The following CEACAM20 variants were observed in gnomAD, a reference collection of about 807,000 sequenced individuals.
The protein encoded by CEACAM20 is cell adhesion molecule CEACAM20.
A neutral mutation model predicts 61.2 loss-of-function variants in CEACAM20; 50 were observed. The observed-to-expected ratio is 0.82, with a 90% CI of 0.65 to 1.03. CEACAM20 has a LOEUF of 1.03. CEACAM20 is among the 50% of genes least tolerant of loss of function. The probability of loss-of-function intolerance (pLI) is 0.00; values close to 1 mark genes in which losing one functional copy is unlikely to be tolerated. For missense variants in CEACAM20, 683 were observed against 736.4 expected, an observed-to-expected ratio of 0.93 and a Z score of 0.84; for synonymous variants, 282 against 287.7, an observed-to-expected ratio of 0.98 and a Z score of 0.20.
At chr19:44,523,902 A>C in intron 3 of CEACAM20, 84 bp downstream of exon 3, 1 of 1,390,756 alleles carries the variant, frequency 7.2e-7, no homozygotes. Flanking sequence ...CCGCATCTGG[A>C]TGGTATTTCA....
chr19:44,510,616 AAGGAAG>A (rs1970965571), intron 11 of CEACAM20, among the ~76,000 whole-genome samples: 6 of 89,688 alleles, frequency 6.7e-5, no homozygotes, highest in African/African-American at 1.0e-4. Context: ...AAGAAAAAGG[AAGGAAG>A]GAAGAAAGAA....
chr19:44,518,675 G>A (rs1011416826), intron 5 of CEACAM20, among the ~76,000 whole-genome samples: 3 of 152,022 alleles, frequency 2.0e-5, no homozygotes, highest in Middle Eastern at 3.2e-3. Flanking sequence ...AGACATTCTA[G>A]GAGGGGAGGA....
At chr19:44,522,358 C>G (rs552747906) in intron 4 of CEACAM20, among the ~76,000 whole-genome samples, 1 of 152,136 alleles carries the variant, frequency 6.6e-6, no homozygotes, top group Non-Finnish European at 1.5e-5. Context: ...CCACCTCGGC[C>G]TCCCAAAGTG....
Position 44,520,635 on chromosome 19 carries a change from C to A in CEACAM20, c.869G>T (p.Ser290Ile). ...CTCACTGGGCAGGAGGGGCTGGCCA[C>A]TTAGGAACCACTGGACATTCACACT... ...NQSVNVQWFLSGQPLLPSEHL... is the reference protein window; with the variant it reads ...NQSVNVQWFLIGQPLLPSEHL... Residue 290 changes from serine (S) to isoleucine (I), a missense_variant, in exon 5 of 12, where the codon AGT (serine) becomes ATT (isoleucine). Physicochemically the swap from Ser to Ile is moderately radical, Grantham distance 142. Coordinates refer to ENST00000614924, the MANE Select transcript of CEACAM20 (RefSeq NM_001102597.3). The A allele has an allele frequency of 6.2e-7, 1 of 1,614,022 alleles. No homozygotes were observed. Among genetic ancestry groups the A allele is most frequent in the African/African-American group, 1.3e-5 (1 of 75,046 alleles).
chr19:44,520,434 A>T lies in CEACAM20; in HGVS notation c.1030+40T>A, dbSNP rs773387053. On this transcript the variant is annotated intron_variant, in intron 5 of 11. Coordinates refer to ENST00000614924, the MANE Select transcript of CEACAM20 (RefSeq NM_001102597.3). ...GGAAGAACTTAAAGAGAAGGAGGGA[A>T]GCAGGGAGATGGGGAAGGTCCAGGC... 12 of 1,593,976 alleles carry T rather than the reference A, an allele frequency of 7.5e-6. No individual in the cohort carries two copies. In the East Asian group the frequency reaches 2.7e-4, roughly 36 times the overall value.
chr19:44,528,343 T>G (rs1971599730), intron 1 of CEACAM20, among the ~76,000 whole-genome samples: 1 of 152,036 alleles, frequency 6.6e-6, no homozygotes, highest in Admixed American at 6.6e-5. Flanking sequence ...ATTATCTGCC[T>G]CAGCCTCCCG....
chr19:44,510,547 G>GGAAGGAAAGAAA (rs1491495596), intron 11 of CEACAM20, among the ~76,000 whole-genome samples: 4 of 52,770 alleles, frequency 7.6e-5, no homozygotes, highest in Non-Finnish European at 1.1e-4. Flanking sequence ...AAGGAAGGAA[G>GGAAGGAAAGAAA]GAAAGAAAGA....
In CEACAM20 at chr19:44,522,649, T is replaced by C. The variant is rs1312197514; in HGVS notation, c.736A>G (p.Lys246Glu). The C allele has an allele frequency of 1.2e-6, 2 of 1,613,130 alleles. No individual in the cohort carries two copies. The highest frequency in any genetic ancestry group is 2.7e-5 in the African/African-American group (2 of 74,878). Reference protein sequence around the residue: ...ATHLSSLGTLKVRVLETLTMP... With the variant: ...ATHLSSLGTLEVRVLETLTMP... Reference sequence around the variant, plus strand: ...GGAGACTCACCAAGTACTCGGACCTTCAGAGTACCCAGGCTGGACAGGTGG... The same window carrying C: ...GGAGACTCACCAAGTACTCGGACCTCCAGAGTACCCAGGCTGGACAGGTGG... Residue 246 changes from lysine (K) to glutamate (E), a missense_variant, in exon 4 of 12, where the codon AAG (lysine) becomes GAG (glutamate). Lys to Glu is a moderately conservative substitution (Grantham distance 56, BLOSUM62 1). Transcript: ENST00000614924.
rs1288879243 is a variant in CEACAM20 at position 44,516,973 on chromosome 19, A to G, written c.1282T>C (p.Ser428Pro). ...ASNSLTGLAR[S>P]TSVLVKVVGP... Reference sequence around the variant, plus strand: ...ACCACCTTGACCAGGACTGAAGTGGAGCGGGCCAGGCCAGTGAGAGAGTTG... The same window carrying G: ...ACCACCTTGACCAGGACTGAAGTGGGGCGGGCCAGGCCAGTGAGAGAGTTG... Residue 428 changes from serine to proline, a missense_variant, in exon 6 of 12, where the codon TCC (serine) becomes CCC (proline). Coordinates refer to ENST00000614924, the MANE Select transcript of CEACAM20 (RefSeq NM_001102597.3). The G allele has an allele frequency of 6.3e-7, 1 of 1,599,240 alleles. No homozygotes were observed. The highest frequency in any genetic ancestry group is 1.7e-5 in the Admixed American group (1 of 57,298).
chr19:44,514,580 C>T (rs1971100344), intron 6 of CEACAM20, among the ~76,000 whole-genome samples: 1 of 151,862 alleles, frequency 6.6e-6, no homozygotes, highest in Non-Finnish European at 1.5e-5. Context: ...TCCCAAGTAG[C>T]TGGAATTACA....
intron 11 of CEACAM20, among the ~76,000 whole-genome samples, chr19:44,508,984 T>C (rs969241379): frequency 2.0e-5 from 3 of 151,954 alleles, no homozygotes; most frequent in Non-Finnish European, 4.4e-5. Context: ...GTAAATATCA[T>C]GAATGAAATG....
intron 5 of CEACAM20, 132 bp downstream of exon 5, chr19:44,520,342 G>A: frequency 1.6e-6 from 2 of 1,239,202 alleles, no homozygotes; most frequent in South Asian, 1.5e-5. Flanking sequence ...ACTTGGCCCT[G>A]TCCAGTGCCC....
chr19:44,510,517 A>C (rs1384375734), intron 11 of CEACAM20, among the ~76,000 whole-genome samples: 1 of 150,454 alleles, frequency 6.6e-6, no homozygotes, highest in African/African-American at 2.5e-5. Context: ...TGTCTCAAAA[A>C]AAAAAAGAAA....
rs771388944 is a variant in CEACAM20, at chr19:44,517,183, C to T, written c.1072G>A (p.Glu358Lys). The change falls in exon 6 of 12, where the codon GAG becomes AAG. Residue 358 changes from glutamate to lysine, a missense_variant. Transcript: ENST00000614924. ...TCTGCCTCTATGGTGCTGATCATCT[C>T]AGATGCCGACTCCCTGGTGATGTGC... Reference protein sequence around the residue: ...QVHITRESASEMISTIEAELN... With the variant: ...QVHITRESASKMISTIEAELN... 1 of 1,611,288 alleles carries T rather than the reference C, an allele frequency of 6.2e-7. No homozygotes were observed. Among genetic ancestry groups the T allele is most frequent in the Non-Finnish European group, 8.5e-7 (1 of 1,179,862 alleles).
intron 4 of CEACAM20, among the ~76,000 whole-genome samples, chr19:44,520,981 T>C (rs1971347979): frequency 6.6e-6 from 1 of 152,106 alleles, no homozygotes; most frequent in Admixed American, 6.5e-5. Flanking sequence ...GAGTTTTGTG[T>C]GTATGGAGAG....
intron 4 of CEACAM20, among the ~76,000 whole-genome samples, chr19:44,521,194 G>A (rs1971355714): frequency 6.6e-6 from 1 of 152,082 alleles, no homozygotes; most frequent in Non-Finnish European, 1.5e-5. Flanking sequence ...TATGCTGTAT[G>A]TGCTGCATGT....
chr19:44,524,228 C>A lies in CEACAM20; in HGVS notation c.230G>T (p.Gly77Val), dbSNP rs1247851735. The change falls in exon 3 of 12, where the codon GGC (glycine) becomes GTC (valine). Residue 77 changes from glycine to valine, a missense_variant. Transcript: ENST00000614924. ...CATGTCCTTCTGCTCTATGGCAGTG[C>A]CTGGGCTGACTGCAATGGAGGGTTT... ...LAKPSIAVSPGTAIEQKDMVT... is the reference protein window; with the variant it reads ...LAKPSIAVSPVTAIEQKDMVT... 2.5e-6 allele frequency: 4 copies of A among 1,613,586 alleles called. No individual in the cohort carries two copies. The East Asian group carries it at 6.7e-5, about 27-fold the overall frequency.
intron 5 of CEACAM20, among the ~76,000 whole-genome samples, chr19:44,517,889 A>G (rs1971216736): frequency 6.6e-6 from 1 of 151,448 alleles, no homozygotes; most frequent in Non-Finnish European, 1.5e-5. Context: ...AACCAGCCTG[A>G]CCAGTGTGGC....
Position 44,524,266 on chromosome 19 carries a change from A to C in CEACAM20, c.197-5T>G. On this transcript the variant is annotated splice_region_variant and splice_polypyrimidine_tract_variant and intron_variant, in intron 2 of 11. Coordinates refer to ENST00000614924, the MANE Select transcript of CEACAM20 (RefSeq NM_001102597.3). ...CAATGGAGGGTTTGGCCAGCTCTGA[A>C]AGCAAGCGAGGGAGACAGAGGCAGA... 6.2e-7 allele frequency: 1 copy of C among 1,609,336 alleles called. No individual in the cohort carries two copies.
Sources: allele counts gnomAD v4.1 joint callset (sites outside exome capture counted in the v4.1 genomes callset), GRCh38; gene constraint gnomAD v4.1.1; transcripts MANE v1.5; gene names NCBI Gene and HGNC (gene_info 2026-07-23, HGNC 2026-07-21).